The following MYO5A variants were observed in gnomAD, a reference collection of about 807,000 sequenced individuals.
MYO5A encodes the protein myosin VA.
Under a neutral mutation model 249.7 loss-of-function variants are expected in MYO5A, and 98 were observed. The observed-to-expected ratio is 0.39, with a 90% CI of 0.33 to 0.46. The LOEUF (loss-of-function observed/expected upper bound fraction) is 0.46, where lower values mean the gene tolerates loss of function less well. Among genes scored for constraint, MYO5A ranks in the 20% least tolerant of loss-of-function variants. MYO5A has a pLI of 0.98. For missense variants in MYO5A, 1,696 were observed against 2,308.8 expected (o/e 0.73, Z 5.44); for synonymous variants, 778 against 810.6 (o/e 0.96, Z 0.68).
intron 1 of MYO5A, among the ~76,000 whole-genome samples, chr15:52,521,251 A>G (rs1340460947): frequency 2.0e-5 from 3 of 149,692 alleles, no homozygotes; most frequent in Non-Finnish European, 4.4e-5. Context: ...AAAAACCTCT[A>G]CTGTATTCCC....
rs1460786339 is a variant in MYO5A, at chr15:52,316,257, A to AAG, written c.5409+789_5409+790dup. ...ACAAAAAAAAAAAAAAAAAAAAAAAAAGAAAGAAAGTCTAAGAGTCAGCAC... is the reference window on the plus strand; with the variant it reads ...ACAAAAAAAAAAAAAAAAAAAAAAAAAGAGAAAGAAAGTCTAAGAGTCAGCAC... On this transcript the variant is annotated intron_variant, in intron 40 of 41. Coordinates refer to ENST00000399233, the MANE Select transcript of MYO5A (RefSeq NM_001382347.1). Among the ~76,000 whole-genome samples, 10 of 149,956 alleles carry AAG rather than the reference A, an allele frequency of 6.7e-5. No individual in the cohort carries two copies. In the South Asian group the frequency reaches 1.7e-3, roughly 25 times the overall value.
chr15:52,398,894 C>T (rs1461115489), intron 9 of MYO5A, among the ~76,000 whole-genome samples: 1 of 151,698 alleles, frequency 6.6e-6, no homozygotes, highest in East Asian at 1.9e-4. Context: ...GAGGCTGAGG[C>T]AAGAGAATTG....
intron 23 of MYO5A, among the ~76,000 whole-genome samples, chr15:52,365,169 T>G (rs1026189094): frequency 6.6e-6 from 1 of 152,084 alleles, no homozygotes; most frequent in African/African-American, 2.4e-5. Context: ...CTCTACAGAG[T>G]CTCTCTTAAT....
At chr15:52,508,316 G>A (rs553501245) in intron 1 of MYO5A, among the ~76,000 whole-genome samples, 12 of 151,666 alleles carry the variant, frequency 7.9e-5, no homozygotes, top group Admixed American at 6.6e-4. Flanking sequence ...TAATCCAAGT[G>A]GATTTTGTAG....
intron 3 of MYO5A, 106 bp from the exon 4 acceptor site, chr15:52,426,080 C>A: frequency 1.0e-6 from 1 of 990,780 alleles, no homozygotes; most frequent in East Asian, 2.5e-5. Flanking sequence ...TCCTTCATTT[C>A]AATTTAGTTA....
At position 52,346,379 on chromosome 15, in the gene MYO5A, C is replaced by A. The variant is rs1241743121; in HGVS notation, c.3941G>T (p.Gly1314Val). 6.3e-7 allele frequency: 1 copy of A among 1,598,626 alleles called. No individual in the cohort carries two copies. The highest frequency in any genetic ancestry group is 1.7e-5 in the Admixed American group (1 of 59,954). Residue 1314 changes from glycine (G) to valine (V), a missense_variant, in exon 30 of 42, where the codon GGT becomes GTT. Gly to Val is a moderately radical substitution (Grantham distance 109). Around this residue, in one of 5 missense-constraint regions of MYO5A, gnomAD observed 625 missense variants for 908.1 expected, o/e 0.69. Coordinates refer to ENST00000399233, the MANE Select transcript of MYO5A (RefSeq NM_001382347.1). ...AACTTACCTATTTGTTTCTTTCAAA[C>A]CAATGTATGCTTGTGCTATTTCACC... ...DKGEIAQAYI[G>V]LKETNRSSAL...
intron 1 of MYO5A, among the ~76,000 whole-genome samples, chr15:52,486,769 G>A (rs947477543): frequency 1.3e-5 from 2 of 152,066 alleles, no homozygotes; most frequent in African/African-American, 2.4e-5. Context: ...AGAGGAGTGC[G>A]GCCAATTCTA....
At chr15:52,506,526 CAAA>C (rs35101614) in intron 1 of MYO5A, among the ~76,000 whole-genome samples, 4 of 118,278 alleles carry the variant, frequency 3.4e-5, no homozygotes, top group Non-Finnish European at 3.6e-5. Flanking sequence ...GACCCTTTCT[CAAA>C]AAAAAAAAAA....
intron 31 of MYO5A, 28 bp from the exon 32 acceptor site, chr15:52,340,422 G>A (rs1409352479): frequency 6.2e-7 from 1 of 1,604,108 alleles, no homozygotes; most frequent in South Asian, 1.1e-5. Flanking sequence ...GGGTCGGAAG[G>A]GGAGACGACA....
intron 34 of MYO5A, among the ~76,000 whole-genome samples, chr15:52,336,008 A>G (rs2039102197): frequency 6.6e-6 from 1 of 152,114 alleles, no homozygotes; most frequent in African/African-American, 2.4e-5. Context: ...CTAATAGCTC[A>G]TTCAATCCTT....
At chr15:52,405,663 A>C in intron 8 of MYO5A, among the ~76,000 whole-genome samples, 1 of 152,226 alleles carries the variant, frequency 6.6e-6, no homozygotes. Context: ...ATGGACAGGT[A>C]GCTTCAGTAT....
chr15:52,433,999 CT>C (rs398043307), intron 1 of MYO5A, among the ~76,000 whole-genome samples: 30,627 of 126,964 alleles, frequency 0.24, 2,929 homozygotes, highest in Non-Finnish European at 0.3. Flanking sequence ...CTTTCTTTTT[CT>C]TTTTTTTTTT....
intron 3 of MYO5A, among the ~76,000 whole-genome samples, chr15:52,426,686 C>T (rs1567115241): frequency 6.6e-6 from 1 of 152,146 alleles, no homozygotes; most frequent in Admixed American, 6.5e-5. Flanking sequence ...GCTTGAACTC[C>T]TGGGCTCAAG....
Position 52,330,371 on chromosome 15 carries a change from C to A in MYO5A, c.4537G>T (p.Val1513Phe). The change falls in exon 35 of 42, where the codon GTT (valine) becomes TTT (phenylalanine). Residue 1513 changes from valine to phenylalanine, a missense_variant. By Grantham distance (50) the Val-to-Phe change is conservative. Coordinates refer to ENST00000399233, the MANE Select transcript of MYO5A (RefSeq NM_001382347.1). Reference protein sequence around the residue: ...EYKKEDEQKLVKNLILELKPR... With the variant: ...EYKKEDEQKLFKNLILELKPR... Reference sequence around the variant, plus strand: ...TACTTGCCCAGAATCAGGTTCTTAACAAGTTTTTGCTCATCCTCCTTCTTG... The same window carrying A: ...TACTTGCCCAGAATCAGGTTCTTAAAAAGTTTTTGCTCATCCTCCTTCTTG... 1 of 1,614,094 alleles carries A rather than the reference C, an allele frequency of 6.2e-7. No individual in the cohort carries two copies. Among genetic ancestry groups the A allele is most frequent in the Non-Finnish European group, 8.5e-7 (1 of 1,179,988 alleles).
At chr15:52,461,414 A>T (rs2076246163) in intron 1 of MYO5A, among the ~76,000 whole-genome samples, 2 of 152,236 alleles carry the variant, frequency 1.3e-5, no homozygotes, top group African/African-American at 4.8e-5. Flanking sequence ...ATTAAAAACA[A>T]AAATACTGTA....
At chr15:52,423,835 C>T (rs1284147443) in intron 4 of MYO5A, among the ~76,000 whole-genome samples, 2 of 152,132 alleles carry the variant, frequency 1.3e-5, no homozygotes, top group African/African-American at 2.4e-5. Flanking sequence ...GAGAAAATTA[C>T]AGGAAACCAA....
chr15:52,371,987 T>C, intron 21 of MYO5A, 137 bp downstream of exon 21: 3 of 1,229,660 alleles, frequency 2.4e-6, no homozygotes, highest in Non-Finnish European at 3.5e-6. Flanking sequence ...TCCATGCCCA[T>C]TATGGAAATA....
Position 52,340,215 on chromosome 15 carries a change from C to T in MYO5A, c.4220G>A (p.Arg1407Gln). ...CCTTACCAAGTTTTCGTTGGTCAGC[C>T]GGGTGATCTCGTGCTGCAGGCTGGC... ...IEASLQHEITRLTNENLYFEE... is the reference protein window; with the variant it reads ...IEASLQHEITQLTNENLYFEE... The change falls in exon 32 of 42, where the codon CGG (arginine) becomes CAG (glutamine). Residue 1407 changes from arginine to glutamine, a missense_variant. By Grantham distance (43) the Arg-to-Gln change is conservative (BLOSUM62 1). Transcript: ENST00000399233. 2 of 1,614,090 alleles carry T rather than the reference C, an allele frequency of 1.2e-6. No homozygotes were observed. The highest frequency in any genetic ancestry group is 1.7e-6 in the Non-Finnish European group (2 of 1,180,012).
At chr15:52,373,639 T>C (rs1364441333) in intron 20 of MYO5A, among the ~76,000 whole-genome samples, 1 of 152,166 alleles carries the variant, frequency 6.6e-6, no homozygotes, top group Non-Finnish European at 1.5e-5. Context: ...CCTTCCACCC[T>C]GTCCAGTCAC....
Sources: allele counts gnomAD v4.1 joint callset (sites outside exome capture counted in the v4.1 genomes callset), GRCh38; gene constraint gnomAD v4.1.1; regional missense constraint gnomAD v4.1.1; transcripts MANE v1.5; gene names NCBI Gene and HGNC (gene_info 2026-07-23, HGNC 2026-07-21).